TULP2: variants seen among roughly 807,000 people sequenced by gnomAD.
TULP2 encodes TUB like protein 2.
TULP2 carries 64 observed loss-of-function variants against 60.3 expected under a neutral mutation model. That is an observed-to-expected ratio of 1.06 (90% CI 0.87 to 1.31). The LOEUF (loss-of-function observed/expected upper bound fraction) is 1.31, where lower values mean the gene tolerates loss of function less well. Ranked by LOEUF, TULP2 falls within the 50% of genes most tolerant of loss-of-function variation. The pLI is 0.00. For missense variants in TULP2, 652 were observed against 667.0 expected (o/e 0.98, Z 0.25); for synonymous variants, 267 against 265.4 (o/e 1.01, Z -0.06).
Position 48,882,188 on chromosome 19 carries a change from G to T in TULP2, c.1291C>A (p.Leu431Met). The part of the protein sequence containing the change: ...VQPLNEQESL[L>M]SRYQRGDKQG... ...TTGTCCCCACGTTGGTAACGACTCA[G>T]TAGCGACTCCTGTTCCTAGAAGGTA... The change falls in exon 12 of 13, where the codon CTG becomes ATG. Residue 431 changes from leucine (L) to methionine (M), a missense_variant. Transcript: ENST00000221399. 3 of 1,614,164 alleles carry T rather than the reference G, an allele frequency of 1.9e-6. No homozygotes were observed. The highest frequency in any genetic ancestry group is 1.1e-5 in the South Asian group (1 of 91,088).
intron 9 of TULP2, 74 bp from the exon 10 acceptor site, chr19:48,884,120 G>A (rs1015232616): frequency 1.2e-5 from 15 of 1,212,312 alleles, no homozygotes; most frequent in South Asian, 3.8e-5. Flanking sequence ...TCATCGCATC[G>A]ACTCTTCCCA....
chr19:48,891,665 G>A (rs1404555819), intron 6 of TULP2, among the ~76,000 whole-genome samples: 1 of 152,204 alleles, frequency 6.6e-6, no homozygotes, highest in African/African-American at 2.4e-5. Flanking sequence ...ACGAGCGGCT[G>A]AGAGAAGAAA....
chr19:48,884,489 G>A (rs2037161966), intron 9 of TULP2, among the ~76,000 whole-genome samples: 1 of 151,392 alleles, frequency 6.6e-6, no homozygotes, highest in South Asian at 2.1e-4. Context: ...AAATAAATGA[G>A]GCCGGGTACG....
Position 48,884,127 on chromosome 19 carries a change from C to T in TULP2, c.1062-81G>A, listed in dbSNP as rs961910976. ...AGTGTCACTCATCGCATCGACTCTT[C>T]CCATCAATCCCCTATGTCTAAGACT... On this transcript the variant is annotated intron_variant, in intron 9 of 12. Transcript: ENST00000221399. 334 of 1,092,560 alleles carry T rather than the reference C, an allele frequency of 3.1e-4. 2 individuals carry two copies. Among genetic ancestry groups the T allele is most frequent in the Non-Finnish European group, 4.2e-4 (309 of 733,518 alleles). 67.7% of individuals were successfully genotyped at this position (1,092,560 alleles called of 1,614,324 possible). A position where few individuals can be genotyped will look rare whatever the true frequency, so the allele number is the denominator to read the frequency against.
At position 48,883,545 on chromosome 19, in the gene TULP2, A is replaced by C. The variant is rs115544427; in HGVS notation, c.1275+209T>G. Among the ~76,000 whole-genome samples, 1,120 of 152,114 alleles carry C rather than the reference A, an allele frequency of 7.4e-3. 17 individuals carry two copies. The highest frequency in any genetic ancestry group is 0.025 in the African/African-American group (1,046 of 41,476). On this transcript the variant is annotated intron_variant, in intron 11 of 12. Transcript: ENST00000221399. ...GGTAAGTTTGTTAACCTACCATCAA[A>C]CCTTTTTTCTCCAGATGCAAATGTT...
At chr19:48,881,175 C>G (rs1225272958) in intron 12 of TULP2, 49 bp from the exon 13 acceptor site, 1 of 1,232,706 alleles carries the variant, frequency 8.1e-7, no homozygotes, top group South Asian at 1.3e-5. Context: ...TCTCATCTCC[C>G]AGCTTCGAGA....
Position 48,895,040 on chromosome 19 carries a change from G to C in TULP2, c.472C>G (p.Pro158Ala). ...SVSPPPFKQS[P>A]RIRRKGWQAH... ...TGCCAACCCTTGCGTCGGATTCTCG[G>C]AGACTGTTTAAAAGGTGGGGGAGAG... Residue 158 changes from proline (P) to alanine (A), a missense_variant, in exon 6 of 13, where the codon CCG becomes GCG. Transcript: ENST00000221399. 1 of 1,614,092 alleles carries C rather than the reference G, an allele frequency of 6.2e-7. No homozygotes were observed. The highest frequency in any genetic ancestry group is 8.5e-7 in the Non-Finnish European group (1 of 1,180,018).
intron 6 of TULP2, among the ~76,000 whole-genome samples, chr19:48,894,420 A>T (rs183294137): frequency 9.7e-4 from 147 of 152,214 alleles, no homozygotes; most frequent in African/African-American, 3.5e-3. Flanking sequence ...AGGTGGGTGG[A>T]TCATGAGGTC....
intron 4 of TULP2, among the ~76,000 whole-genome samples, chr19:48,895,991 G>A (rs1461429783): frequency 6.6e-6 from 1 of 152,100 alleles, no homozygotes; most frequent in Non-Finnish European, 1.5e-5. Flanking sequence ...GGATTGTTGC[G>A]GGCTCCGCAC....
chr19:48,881,028 AG>A lies in TULP2; in HGVS notation c.1545del (p.Leu516CysfsTer?). Reference protein sequence around the residue: ...PFSPLQAFSICLSSFN With the variant: ...PFSPLQAFSIXLSSFN ...GCCAGCTTCTAATTGAAACTGGACA[AG>A]CAGATGCTGAAGGCCTGGAGCGGGC... is the stretch of plus-strand genomic sequence containing the variant. On this transcript the variant is annotated frameshift_variant, in exon 13 of 13. Coordinates refer to ENST00000221399, the MANE Select transcript of TULP2 (RefSeq NM_003323.3). LOFTEE classifies it high-confidence loss of function. 6.2e-7 allele frequency: 1 copy of A among 1,613,728 alleles called. No individual in the cohort carries two copies. The highest frequency in any genetic ancestry group is 1.7e-5 in the Admixed American group (1 of 59,952).
At position 48,897,681 on chromosome 19, in the gene TULP2, C is replaced by T. The variant is rs2037294839; in HGVS notation, c.32+156G>A. On this transcript the variant is annotated intron_variant, in intron 2 of 12. Coordinates refer to ENST00000221399, the MANE Select transcript of TULP2 (RefSeq NM_003323.3). The surrounding 1 kb of genome is among the most constrained non-coding windows in gnomAD (Gnocchi z 4.0). ...TCAGACCCAGAAGTCTGCACCCTAG[C>T]CCCATCCCTTCAGGACACAGGAGTC... Among the ~76,000 whole-genome samples the T allele has an allele frequency of 6.6e-6, 1 of 152,178 alleles. No individual in the cohort carries two copies. The highest frequency in any genetic ancestry group is 1.5e-5 in the Non-Finnish European group (1 of 68,026).
At chr19:48,887,012 CTTTTTTT>C (rs535945118) in intron 8 of TULP2, among the ~76,000 whole-genome samples, 1 of 132,596 alleles carries the variant, frequency 7.5e-6, no homozygotes, top group Non-Finnish European at 1.6e-5. Context: ...CGTGCCCGGC[CTTTTTTT>C]TTTTTTTTTG....
In TULP2 at chr19:48,897,462, C is replaced by T; in HGVS notation, c.33-66G>A. ...CCTCGGTTGCCCAAGAGAGTCCCTC[C>T]TTCCCCCATCCTGCCCCTATCTCAG... On this transcript the variant is annotated intron_variant, in intron 2 of 12. Coordinates refer to ENST00000221399, the MANE Select transcript of TULP2 (RefSeq NM_003323.3). This position sits in a 1 kb window ranked among gnomAD's most constrained non-coding sequence, Gnocchi z 4.0. The T allele has an allele frequency of 6.5e-7, 1 of 1,537,496 alleles. No individual in the cohort carries two copies. Among genetic ancestry groups the T allele is most frequent in the Admixed American group, 1.8e-5 (1 of 56,514 alleles).
chr19:48,895,875 G>A (rs1162727822), intron 4 of TULP2, among the ~76,000 whole-genome samples: 1 of 151,866 alleles, frequency 6.6e-6, no homozygotes, highest in East Asian at 1.9e-4. Context: ...GCTAAACTCC[G>A]TCTCAAAAAA....
rs2037198628 is a variant in TULP2 at position 48,888,050 on chromosome 19, C to T, written c.848G>A (p.Gly283Asp). The T allele has an allele frequency of 6.2e-7, 1 of 1,614,208 alleles. No individual in the cohort carries two copies. Among genetic ancestry groups the T allele is most frequent in the Non-Finnish European group, 8.5e-7 (1 of 1,180,044 alleles). The change falls in exon 8 of 13, where the codon GGC (glycine) becomes GAC (aspartate). Residue 283 changes from glycine (G) to aspartate (D), a missense_variant. Transcript: ENST00000221399. ...GGTGAGGTAGCACTGCATCATGGTG[C>T]CCGGGAGCGCTGGCCGCAGCACGTA... ...EAYVLRPALP[G>D]TMMQCYLTRD...
At position 48,882,213 on chromosome 19, in the gene TULP2, A is replaced by G. The variant is rs765120965; in HGVS notation, c.1276-10T>C. On this transcript the variant is annotated splice_polypyrimidine_tract_variant and intron_variant, in intron 11 of 12. Coordinates refer to ENST00000221399, the MANE Select transcript of TULP2 (RefSeq NM_003323.3). ...GTAGCGACTCCTGTTCCTAGAAGGTAAAGAAGGGGCTGTGGTTTTCTCAGA... is the reference window on the plus strand; with the variant it reads ...GTAGCGACTCCTGTTCCTAGAAGGTGAAGAAGGGGCTGTGGTTTTCTCAGA... 4 of 1,613,974 alleles carry G rather than the reference A, an allele frequency of 2.5e-6. No homozygotes were observed. The Admixed American group carries it at 5.0e-5, about 20-fold the overall frequency.
At chr19:48,891,609 G>A (rs1021006922) in intron 6 of TULP2, among the ~76,000 whole-genome samples, 2 of 152,206 alleles carry the variant, frequency 1.3e-5, no homozygotes, top group African/African-American at 4.8e-5. Context: ...CCAGCCTGAA[G>A]GGGGCCTGCC....
chr19:48,890,751 C>T (rs2037225344), intron 6 of TULP2, among the ~76,000 whole-genome samples: 1 of 152,144 alleles, frequency 6.6e-6, no homozygotes, highest in African/African-American at 2.4e-5. Flanking sequence ...CAACCTCCTC[C>T]TCCTCCAGGT....
chr19:48,885,703 G>A, intron 8 of TULP2, 143 bp from the exon 9 acceptor site: 1 of 603,724 alleles, frequency 1.7e-6, no homozygotes, highest in South Asian at 1.9e-5. Context: ...GGCCAACATG[G>A]TGAAACCCCG....
Sources: allele counts gnomAD v4.1 joint callset (sites outside exome capture counted in the v4.1 genomes callset), GRCh38; gene constraint gnomAD v4.1.1; non-coding constraint Gnocchi (gnomAD v3.1); transcripts MANE v1.5; gene names NCBI Gene and HGNC (gene_info 2026-07-23, HGNC 2026-07-21).